The following USP34 variants were observed in gnomAD, a reference collection of about 807,000 sequenced individuals.
USP34 encodes the protein ubiquitin carboxyl-terminal hydrolase 34.
In USP34, 70 loss-of-function variants were observed where a neutral mutation model predicts 460.3. The observed-to-expected ratio is 0.15, with a 90% CI of 0.13 to 0.19. The LOEUF (loss-of-function observed/expected upper bound fraction) is 0.19, where lower values mean the gene tolerates loss of function less well. Ranked by LOEUF, USP34 falls within the 10% of genes least tolerant of loss-of-function variation. The pLI is 1.00. For synonymous variants in USP34, 1,647 were observed against 1,405.3 expected, an observed-to-expected ratio of 1.17 and a Z score of -3.85; for missense variants, 3,985 against 4,236.2, an observed-to-expected ratio of 0.94 and a Z score of 1.65.
At chr2:61,289,011 C>T (rs1689771360) in intron 33 of USP34, 134 bp from the exon 34 acceptor site, 2 of 881,546 alleles carry the variant, frequency 2.3e-6, no homozygotes, top group Non-Finnish European at 3.4e-6. Context: ...AAAAATTCTG[C>T]TGCTCAAATA....
At chr2:61,330,026 T>G (rs567599264) in intron 20 of USP34, among the ~76,000 whole-genome samples, 6 of 152,240 alleles carry the variant, frequency 3.9e-5, no homozygotes, top group African/African-American at 1.2e-4. Flanking sequence ...AAAGTAGTGT[T>G]TGCGGAAATG....
At chr2:61,228,264 T>C (rs541263724) in intron 61 of USP34, among the ~76,000 whole-genome samples, 2 of 152,338 alleles carry the variant, frequency 1.3e-5, no homozygotes, top group East Asian at 3.9e-4. Flanking sequence ...AATACTTTAA[T>C]ATTATTCATA....
At chr2:61,440,866 G>GC (rs1402865623) in intron 1 of USP34, among the ~76,000 whole-genome samples, 3 of 151,484 alleles carry the variant, frequency 2.0e-5, no homozygotes, top group African/African-American at 7.3e-5. Context: ...AGTGGCTCAC[G>GC]CCTGTAATCT....
At chr2:61,445,459 C>T (rs539210744) in intron 1 of USP34, among the ~76,000 whole-genome samples, 2 of 149,174 alleles carry the variant, frequency 1.3e-5, no homozygotes, top group African/African-American at 5.0e-5. Flanking sequence ...GGCATGAACC[C>T]GGGAGGCAGA....
chr2:61,363,020 CA>C (rs1188213775), intron 10 of USP34, among the ~76,000 whole-genome samples: 19 of 151,988 alleles, frequency 1.3e-4, no homozygotes, highest in African/African-American at 4.6e-4. Context: ...GAAAACCAAA[CA>C]AAACCCAATC....
chr2:61,463,588 C>T (rs1695671007), intron 1 of USP34, among the ~76,000 whole-genome samples: 1 of 152,164 alleles, frequency 6.6e-6, no homozygotes, highest in Non-Finnish European at 1.5e-5. Flanking sequence ...AAACCCAACA[C>T]TTTGGGAGGC....
intron 30 of USP34, among the ~76,000 whole-genome samples, chr2:61,296,233 C>T (rs1427172068): frequency 6.6e-6 from 1 of 151,690 alleles, no homozygotes; most frequent in African/African-American, 2.4e-5. Flanking sequence ...GTACTCCAGC[C>T]TGGGTAACAG....
intron 2 of USP34, among the ~76,000 whole-genome samples, chr2:61,414,775 C>A (rs539533425): frequency 6.6e-6 from 1 of 152,216 alleles, no homozygotes; most frequent in African/African-American, 2.4e-5. Flanking sequence ...TTTAAATACC[C>A]TCTAGAGGTT....
chr2:61,397,018 T>C (rs186975987), intron 3 of USP34, among the ~76,000 whole-genome samples: 1 of 152,318 alleles, frequency 6.6e-6, no homozygotes, highest in Non-Finnish European at 1.5e-5. Context: ...GAAAGAAAAT[T>C]TATGATCATG....
Position 61,370,555 on chromosome 2 carries a change from G to C in USP34, c.1101C>G (p.Asp367Glu). The change falls in exon 9 of 80, where the codon GAC (aspartate) becomes GAG (glutamate). Residue 367 changes from aspartate to glutamate, a missense_variant. Asp to Glu is a conservative substitution (Grantham distance 45, BLOSUM62 2). Transcript: ENST00000398571. ...CCACCACATTGTTGCTAATAAGCCA[G>C]TCTGCAAGTTCTTTTGCAATGGACC... ...TETSIAKELADWLISNNVVEH... is the reference protein window; with the variant it reads ...TETSIAKELAEWLISNNVVEH... 3 of 1,613,712 alleles carry C rather than the reference G, an allele frequency of 1.9e-6. No homozygotes were observed. The highest frequency in any genetic ancestry group is 2.5e-6 in the Non-Finnish European group (3 of 1,179,908).
chr2:61,449,338 T>C (rs1022862823), intron 1 of USP34, among the ~76,000 whole-genome samples: 4 of 151,944 alleles, frequency 2.6e-5, no homozygotes, highest in Non-Finnish European at 1.5e-5. Context: ...ATATCCCATG[T>C]TCATGGATCA....
intron 8 of USP34, among the ~76,000 whole-genome samples, chr2:61,371,444 T>TA (rs34779019): frequency 0.52 from 73,955 of 142,474 alleles, 19,043 homozygotes; most frequent in South Asian, 0.73. Context: ...ATTAAAAAGT[T>TA]AAAAAAAAAA....
At chr2:61,363,174 T>C (rs908432453) in intron 10 of USP34, among the ~76,000 whole-genome samples, 2 of 152,146 alleles carry the variant, frequency 1.3e-5, no homozygotes, top group Non-Finnish European at 2.9e-5. Context: ...TCACACCTAC[T>C]AGGATAGCTG....
chr2:61,194,857 G>A (rs978797265), intron 75 of USP34, among the ~76,000 whole-genome samples: 6 of 152,014 alleles, frequency 3.9e-5, no homozygotes, highest in Non-Finnish European at 7.4e-5. Flanking sequence ...GGAGGCTGAC[G>A]CAGGAGAATT....
intron 42 of USP34, 193 bp downstream of exon 42, chr2:61,265,791 C>T (rs920140656): frequency 1.9e-5 from 13 of 698,840 alleles, no homozygotes; most frequent in African/African-American, 1.9e-4. Flanking sequence ...ACAGAAAAAG[C>T]CGAAGTATTT....
At chr2:61,300,859 T>C (rs551355566) in intron 29 of USP34, 92 bp downstream of exon 29, 1 of 876,312 alleles carries the variant, frequency 1.1e-6, no homozygotes, top group South Asian at 2.1e-5. Context: ...TTATATACTT[T>C]ATAACGTTTT....
intron 41 of USP34, among the ~76,000 whole-genome samples, chr2:61,269,557 C>T (rs1313246818): frequency 6.6e-6 from 1 of 151,872 alleles, no homozygotes; most frequent in African/African-American, 2.4e-5. Context: ...TCAATAATTT[C>T]CTGAATGTAT....
chr2:61,370,457 T>C (rs1388887881), intron 9 of USP34, 41 bp downstream of exon 9: 5 of 1,612,912 alleles, frequency 3.1e-6, no homozygotes, highest in Non-Finnish European at 4.2e-6. Context: ...AATATTCTTC[T>C]CTATCAATAG....
At chr2:61,204,075 A>G (rs1687047940) in intron 74 of USP34, among the ~76,000 whole-genome samples, 181 bp downstream of exon 74, 1 of 152,134 alleles carries the variant, frequency 6.6e-6, no homozygotes, top group South Asian at 2.1e-4. Context: ...CTTATTGTTG[A>G]TTTTTGCAAA....
Sources: gnomAD v4.1 joint callset for allele counts (sites outside exome capture counted in the v4.1 genomes callset) on GRCh38, gnomAD v4.1.1 for gene constraint, MANE v1.5 for transcripts, NCBI Gene and HGNC (gene_info 2026-07-23, HGNC 2026-07-21) for gene names.